Variants in VSNL1 observed in about 807,000 individuals in gnomAD.
The protein encoded by VSNL1 is visinin like 1.
A neutral mutation model predicts 20.4 loss-of-function variants in VSNL1; 6 were observed. The observed-to-expected ratio is 0.29, with a 90% CI of 0.16 to 0.58. The LOEUF (loss-of-function observed/expected upper bound fraction) is 0.58. Ranked by LOEUF, VSNL1 falls within the 20% of genes least tolerant of loss-of-function variation. The probability of loss-of-function intolerance (pLI) is 0.90; values close to 1 mark genes in which losing one functional copy is unlikely to be tolerated. For missense variants in VSNL1, 100 were observed against 234.5 expected (o/e 0.43, Z 3.75); for synonymous variants, 93 against 86.4 (o/e 1.08, Z -0.42).
intron 1 of VSNL1, among the ~76,000 whole-genome samples, chr2:17,555,502 A>G (rs1448473404): frequency 1.3e-5 from 2 of 152,054 alleles, no homozygotes; most frequent in Non-Finnish European, 2.9e-5. Context: ...TATCATCTTC[A>G]TCATATCCAG....
intron 2 of VSNL1, among the ~76,000 whole-genome samples, chr2:17,604,465 C>A (rs967291204): frequency 1.3e-5 from 2 of 152,224 alleles, no homozygotes; most frequent in Non-Finnish European, 2.9e-5. Context: ...AGCTGCCTGC[C>A]CTGAGCCCTC....
At chr2:17,576,599 C>A (rs1404363259) in intron 1 of VSNL1, among the ~76,000 whole-genome samples, 1 of 152,178 alleles carries the variant, frequency 6.6e-6, no homozygotes, top group African/African-American at 2.4e-5. Flanking sequence ...GCATAATCCT[C>A]TTCCCATTTA....
At chr2:17,572,440 T>A (rs187205585) in intron 1 of VSNL1, among the ~76,000 whole-genome samples, 1 of 151,914 alleles carries the variant, frequency 6.6e-6, no homozygotes, top group Non-Finnish European at 1.5e-5. Context: ...TGTGTAAGAC[T>A]AGGGGTCTCT....
intron 2 of VSNL1, among the ~76,000 whole-genome samples, chr2:17,635,913 G>A (rs184933383): frequency 2.6e-4 from 40 of 152,086 alleles, no homozygotes; most frequent in South Asian, 8.3e-4. Context: ...TCAGCAATGG[G>A]CCAGAGTTTG....
chr2:17,621,037 T>A (rs1026197286), intron 2 of VSNL1, among the ~76,000 whole-genome samples: 1 of 152,182 alleles, frequency 6.6e-6, no homozygotes, highest in Non-Finnish European at 1.5e-5. Flanking sequence ...AGACTTATGG[T>A]TACATAATGG....
intron 2 of VSNL1, among the ~76,000 whole-genome samples, chr2:17,633,935 A>C (rs1261430128): frequency 6.6e-6 from 1 of 152,176 alleles, no homozygotes; most frequent in Non-Finnish European, 1.5e-5. Flanking sequence ...GCAAGAGAAA[A>C]GCATGGGCAA....
intron 2 of VSNL1, among the ~76,000 whole-genome samples, chr2:17,613,105 C>CT (rs996303129): frequency 1.2e-4 from 18 of 152,090 alleles, no homozygotes; most frequent in African/African-American, 4.3e-4. Flanking sequence ...CTTCCCCTCT[C>CT]TTTTTTTTGG....
Position 17,656,317 on chromosome 2 carries a change from C to A in VSNL1, c.*923C>A, listed in dbSNP as rs1348353651. 1 of 152,144 alleles carries A rather than the reference C, an allele frequency of 6.6e-6. No individual in the cohort carries two copies. Among genetic ancestry groups the A allele is most frequent in the Non-Finnish European group, 1.5e-5 (1 of 68,038 alleles). The allele number at this position is 152,144 out of a possible 1,614,324, so 9.4% of individuals were successfully genotyped here. A position where few individuals can be genotyped will look rare whatever the true frequency, so the allele number is the denominator to read the frequency against. The stretch of plus-strand genomic sequence containing the variant: ...CAACAAAAGGGAAAAAAGCAACTTT[C>A]CAACTTTTCATCCAGGCTCCCAAAA... On this transcript the variant is annotated 3_prime_UTR_variant, in exon 4 of 4. Coordinates refer to ENST00000295156, the MANE Select transcript of VSNL1 (RefSeq NM_003385.5).
At chr2:17,592,636 CTCTCTTTTTTTTTTTTT>C (rs1344267386) in intron 2 of VSNL1, among the ~76,000 whole-genome samples, 10 of 82,978 alleles carry the variant, frequency 1.2e-4, no homozygotes, top group African/African-American at 5.4e-4. Context: ...TTCTCTCTCT[CTCTCTTTTTTTTTTTTT>C]TTTTTTTTTT....
chr2:17,637,002 T>G (rs946935806), intron 2 of VSNL1, among the ~76,000 whole-genome samples: 15 of 152,198 alleles, frequency 9.9e-5, no homozygotes, highest in Non-Finnish European at 2.1e-4. Context: ...GGAGAAATGA[T>G]TCCAGTGTTC....
intron 2 of VSNL1, among the ~76,000 whole-genome samples, chr2:17,620,681 A>G (rs999875213): frequency 6.6e-6 from 1 of 152,224 alleles, no homozygotes; most frequent in African/African-American, 2.4e-5. Flanking sequence ...TTTGAGAAAA[A>G]GAATTCCACA....
chr2:17,651,188 T>G (rs1449638665), intron 3 of VSNL1, among the ~76,000 whole-genome samples: 2 of 152,212 alleles, frequency 1.3e-5, no homozygotes, highest in East Asian at 1.9e-4. Flanking sequence ...CTTTTCTCTC[T>G]AATCCTTGTC....
At chr2:17,557,882 G>A (rs531417437) in intron 1 of VSNL1, among the ~76,000 whole-genome samples, 2 of 152,242 alleles carry the variant, frequency 1.3e-5, no homozygotes, top group South Asian at 2.1e-4. Context: ...TCCCAAACCC[G>A]TGGTTGCTTT....
chr2:17,573,205 C>T (rs895081748), intron 1 of VSNL1, among the ~76,000 whole-genome samples: 11 of 152,108 alleles, frequency 7.2e-5, no homozygotes, highest in Non-Finnish European at 1.2e-4. Context: ...TGCAAATTTA[C>T]TCATGTTTTA....
In VSNL1 at chr2:17,634,095, C is replaced by A. The variant is rs1665697937; in HGVS notation, c.163-15315C>A. ...TGTGGGACTGGACTAAGCAGAGTGG[C>A]TTTCATCCTGGAGTGTGGGGGAGAA... On this transcript the variant is annotated intron_variant, in intron 2 of 3. Coordinates refer to ENST00000295156, the MANE Select transcript of VSNL1 (RefSeq NM_003385.5). This position sits in a 1 kb window ranked among gnomAD's most constrained non-coding sequence, Gnocchi z 4.3. Among the ~76,000 whole-genome samples the A allele has an allele frequency of 6.6e-6, 1 of 152,092 alleles. No individual in the cohort carries two copies. The highest frequency in any genetic ancestry group is 1.5e-5 in the Non-Finnish European group (1 of 68,018).
At chr2:17,543,587 G>A (rs1309400008) in intron 1 of VSNL1, among the ~76,000 whole-genome samples, 2 of 152,184 alleles carry the variant, frequency 1.3e-5, no homozygotes, top group Non-Finnish European at 2.9e-5. Flanking sequence ...AGCCACCTGC[G>A]GAGAAGGGAA....
At chr2:17,619,336 C>CCGT (rs1435777414) in intron 2 of VSNL1, among the ~76,000 whole-genome samples, 14 of 152,096 alleles carry the variant, frequency 9.2e-5, no homozygotes, top group Admixed American at 4.6e-4. Flanking sequence ...CAATCTTGGT[C>CCGT]CATCTTCTCA....
intron 1 of VSNL1, among the ~76,000 whole-genome samples, chr2:17,552,429 C>T (rs922395925): frequency 1.3e-5 from 2 of 148,526 alleles, no homozygotes; most frequent in African/African-American, 5.0e-5. Flanking sequence ...TACCAAACTA[C>T]AACCAATCTA....
intron 2 of VSNL1, among the ~76,000 whole-genome samples, chr2:17,645,827 A>G (rs932898342): frequency 7.5e-5 from 11 of 145,840 alleles, no homozygotes; most frequent in Non-Finnish European, 1.2e-4. Context: ...GTTCAGGGAC[A>G]GGGTATGGAG....
Sources: allele counts gnomAD v4.1 joint callset (sites outside exome capture counted in the v4.1 genomes callset), GRCh38; gene constraint gnomAD v4.1.1; non-coding constraint Gnocchi (gnomAD v3.1); transcripts MANE v1.5; gene names NCBI Gene and HGNC (gene_info 2026-07-23, HGNC 2026-07-21).